Variants in GPD2 observed in about 807,000 individuals in gnomAD.
GPD2 encodes the protein glycerol-3-phosphate dehydrogenase 2.
A neutral mutation model predicts 82.4 loss-of-function variants in GPD2; 54 were observed. The observed-to-expected ratio is 0.66, with a 90% CI of 0.53 to 0.82. GPD2 has a LOEUF of 0.82. Among genes scored for constraint, GPD2 ranks in the 40% least tolerant of loss-of-function variants. The probability of loss-of-function intolerance (pLI) is 0.00; values close to 1 mark genes in which losing one functional copy is unlikely to be tolerated. For missense variants in GPD2, 748 were observed against 896.2 expected (o/e 0.83, Z 2.11); for synonymous variants, 288 against 306.1 (o/e 0.94, Z 0.62).
At chr2:156,473,264 G>A (rs1326412265) in intron 1 of GPD2, among the ~76,000 whole-genome samples, 1 of 152,188 alleles carries the variant, frequency 6.6e-6, no homozygotes, top group East Asian at 1.9e-4. Context: ...GATGACATGA[G>A]AATGTAGTTT....
the GPD2 span, among the ~76,000 whole-genome samples, chr2:156,427,424 T>G: frequency 6.6e-6 from 1 of 152,230 alleles, no homozygotes; most frequent in Non-Finnish European, 1.5e-5. Flanking sequence ...CTGTAATTTT[T>G]TTCAAACTTG....
chr2:156,420,264 T>G, the GPD2 span, among the ~76,000 whole-genome samples: 1 of 152,064 alleles, frequency 6.6e-6, no homozygotes, highest in Non-Finnish European at 1.5e-5. Context: ...CTCTGCCTCC[T>G]GGGTTCAAGC....
At chr2:156,506,363 A>G (rs1453795548) in intron 3 of GPD2, among the ~76,000 whole-genome samples, 3 of 152,194 alleles carry the variant, frequency 2.0e-5, no homozygotes, top group African/African-American at 7.2e-5. Context: ...GGGACAAGAA[A>G]AACAGCCTGG....
chr2:156,490,882 T>G (rs1274578883), intron 2 of GPD2, among the ~76,000 whole-genome samples: 2 of 152,252 alleles, frequency 1.3e-5, no homozygotes, highest in Admixed American at 6.5e-5. Context: ...ACTTATTTTT[T>G]GTTAAGTCAA....
chr2:156,553,688 A>T (rs17266034), intron 8 of GPD2, among the ~76,000 whole-genome samples: 9,849 of 152,202 alleles, frequency 0.065, 744 homozygotes, highest in Admixed American at 0.24. Flanking sequence ...ACAAGCACAA[A>T]TGTGTATTCT....
chr2:156,511,513 G>A (rs1684997006), intron 4 of GPD2, among the ~76,000 whole-genome samples: 1 of 152,164 alleles, frequency 6.6e-6, no homozygotes, highest in Non-Finnish European at 1.5e-5. Flanking sequence ...GCACTGGCTT[G>A]ACATTGTCAA....
intron 1 of GPD2, among the ~76,000 whole-genome samples, chr2:156,443,696 T>G (rs540722763): frequency 6.6e-6 from 1 of 152,164 alleles, no homozygotes; most frequent in East Asian, 1.9e-4. Context: ...AAGGAATCCT[T>G]GAAGAAAATC....
chr2:156,451,408 C>A (rs1682568806), intron 1 of GPD2, among the ~76,000 whole-genome samples: 1 of 138,014 alleles, frequency 7.2e-6, no homozygotes, highest in Non-Finnish European at 1.6e-5. Context: ...GGGCAGCTGG[C>A]AGGGCGGGGG....
In GPD2 at chr2:156,451,509, A is replaced by G. The variant is rs796604026; in HGVS notation, c.-9+14996A>G. ...CCCTCCCGGAAGGGGCGGCTGGCCG[A>G]GCGGGGGGGCTGACCCCCCCACCTC... On this transcript the variant is annotated intron_variant, in intron 1 of 16. Coordinates refer to ENST00000438166, the MANE Select transcript of GPD2 (RefSeq NM_000408.5). Among the ~76,000 whole-genome samples, 80 of 10,822 alleles carry G rather than the reference A, an allele frequency of 7.4e-3. 1 individual carries two copies. The highest frequency in any genetic ancestry group is 0.027 in the East Asian group (3 of 110). 7.1% of individuals were successfully genotyped at this position (10,822 alleles called of 152,430 possible). A position where few individuals can be genotyped will look rare whatever the true frequency, so the allele number is the denominator to read the frequency against.
At chr2:156,461,864 G>T (rs564138033) in intron 1 of GPD2, among the ~76,000 whole-genome samples, 1 of 152,338 alleles carries the variant, frequency 6.6e-6, no homozygotes, top group South Asian at 2.1e-4. Context: ...GTCAATCCCA[G>T]TTGAATGTAT....
intron 11 of GPD2, 133 bp downstream of exon 11, chr2:156,569,671 G>A: frequency 1.3e-6 from 1 of 756,846 alleles, no homozygotes; most frequent in Non-Finnish European, 2.4e-6. Flanking sequence ...GTCTGTTATG[G>A]AAGGAAAAAA....
chr2:156,571,904 G>A (rs1363003004), intron 13 of GPD2, among the ~76,000 whole-genome samples: 1 of 152,208 alleles, frequency 6.6e-6, no homozygotes, highest in South Asian at 2.1e-4. Context: ...AATACTTTCT[G>A]TATTCATTGG....
intron 1 of GPD2, among the ~76,000 whole-genome samples, chr2:156,460,768 C>A (rs1421047056): frequency 6.6e-6 from 1 of 152,162 alleles, no homozygotes; most frequent in Non-Finnish European, 1.5e-5. Flanking sequence ...TTGTTGTTAG[C>A]CTGTTAGACT....
chr2:156,538,441 A>C (rs902093917), intron 6 of GPD2, among the ~76,000 whole-genome samples: 1 of 152,034 alleles, frequency 6.6e-6, no homozygotes, highest in Non-Finnish European at 1.5e-5. Flanking sequence ...ATGAGAAGTG[A>C]AACATTCATG....
chr2:156,548,394 T>C (rs1189107410), intron 6 of GPD2, among the ~76,000 whole-genome samples: 1 of 152,204 alleles, frequency 6.6e-6, no homozygotes, highest in South Asian at 2.1e-4. Context: ...TAACTCCTTA[T>C]TTTGCATGTT....
At chr2:156,561,727 C>G (rs989250839) in intron 9 of GPD2, among the ~76,000 whole-genome samples, 2 of 152,162 alleles carry the variant, frequency 1.3e-5, no homozygotes, top group African/African-American at 4.8e-5. Flanking sequence ...AATAATCATT[C>G]TAAAAGGATT....
rs564494059 is a variant in GPD2, at chr2:156,459,686, C to CAAAAAAAAAAAAAAAAA, written c.-8-16405_-8-16389dup. Among the ~76,000 whole-genome samples the CAAAAAAAAAAAAAAAAA allele has an allele frequency of 2.7e-3, 105 of 38,724 alleles. 4 individuals carry two copies. Among genetic ancestry groups the CAAAAAAAAAAAAAAAAA allele is most frequent in the East Asian group, 4.4e-3 (3 of 682 alleles). The allele number at this position is 38,724 out of a possible 152,430, so 25.4% of individuals were successfully genotyped here. A position where few individuals can be genotyped will look rare whatever the true frequency, so the allele number is the denominator to read the frequency against. On this transcript the variant is annotated intron_variant, in intron 1 of 16. Transcript: ENST00000438166. Reference sequence around the variant, plus strand: ...CTGGCGACAGAGCAAGACTCCGTCTCAAAAAAAAAAAAAAAAAAAAAAAGA... The same window carrying CAAAAAAAAAAAAAAAAA: ...CTGGCGACAGAGCAAGACTCCGTCTCAAAAAAAAAAAAAAAAAAAAAAAAAAAAAAAAAAAAAAAAGA...
chr2:156,561,039 G>GTTTTTTTTTTTTTTT (rs1491213527), intron 9 of GPD2, among the ~76,000 whole-genome samples: 4 of 19,524 alleles, frequency 2.0e-4, no homozygotes, highest in East Asian at 2.1e-3. Context: ...GTGACATTAA[G>GTTTTTTTTTTTTTTT]CTTTTTTTTT....
intron 1 of GPD2, among the ~76,000 whole-genome samples, chr2:156,469,678 T>C (rs1300718589): frequency 6.6e-6 from 1 of 152,180 alleles, no homozygotes; most frequent in Non-Finnish European, 1.5e-5. Context: ...TCGTTGAAAT[T>C]ACTCTTCTGT....
Sources: allele counts gnomAD v4.1 joint callset (sites outside exome capture counted in the v4.1 genomes callset), GRCh38; gene constraint gnomAD v4.1.1; transcripts MANE v1.5; gene names NCBI Gene and HGNC (gene_info 2026-07-23, HGNC 2026-07-21).